ADCY8: variants seen among roughly 807,000 people sequenced by gnomAD.
ADCY8 encodes adenylate cyclase type 8.
Under a neutral mutation model 119.7 loss-of-function variants are expected in ADCY8, and 51 were observed. The observed-to-expected ratio is 0.43, with a 90% CI of 0.34 to 0.54. The LOEUF (loss-of-function observed/expected upper bound fraction) is 0.54. Among genes scored for constraint, ADCY8 ranks in the 20% least tolerant of loss-of-function variants. The pLI is 0.03. For missense variants in ADCY8, 1,383 were observed against 1,598.8 expected, an observed-to-expected ratio of 0.87 and a Z score of 2.30; for synonymous variants, 665 against 651.0, an observed-to-expected ratio of 1.02 and a Z score of -0.33.
chr8:130,795,103 C>A (rs2130088829), intron 15 of ADCY8, among the ~76,000 whole-genome samples: 1 of 152,260 alleles, frequency 6.6e-6, no homozygotes, highest in East Asian at 1.9e-4. Context: ...ATAAATTAAA[C>A]ATTTTAAAGA....
At chr8:130,850,570 T>C (rs1386190494) in intron 9 of ADCY8, among the ~76,000 whole-genome samples, 1 of 152,170 alleles carries the variant, frequency 6.6e-6, no homozygotes, top group Non-Finnish European at 1.5e-5. Flanking sequence ...TAGCCATTCA[T>C]GTTCTACACT....
intron 15 of ADCY8, among the ~76,000 whole-genome samples, chr8:130,795,076 C>T (rs1815537733): frequency 6.6e-6 from 1 of 152,066 alleles, no homozygotes; most frequent in Non-Finnish European, 1.5e-5. Context: ...AAATAAAAAC[C>T]CCACAGTATA....
At chr8:130,982,309 T>G (rs1276042280) in intron 2 of ADCY8, among the ~76,000 whole-genome samples, 1 of 152,184 alleles carries the variant, frequency 6.6e-6, no homozygotes, top group Non-Finnish European at 1.5e-5. Flanking sequence ...TAAACTCATG[T>G]TAACAAAAAT....
chr8:130,846,923 C>CCTTCCTTCCTTCCTTG (rs1563689915), intron 11 of ADCY8, among the ~76,000 whole-genome samples: 1 of 128,038 alleles, frequency 7.8e-6, no homozygotes, highest in African/African-American at 2.9e-5. Context: ...TTCCTTCCTT[C>CCTTCCTTCCTTCCTTG]CTTCCTTCCT....
intron 2 of ADCY8, 127 bp from the exon 3 acceptor site, chr8:130,952,125 C>G: frequency 9.6e-7 from 1 of 1,037,898 alleles, no homozygotes; most frequent in Non-Finnish European, 1.4e-6. Context: ...TCATACCATT[C>G]TATGAATACA....
At chr8:130,801,480 C>A (rs924401871) in intron 14 of ADCY8, among the ~76,000 whole-genome samples, 2 of 152,194 alleles carry the variant, frequency 1.3e-5, no homozygotes, top group African/African-American at 4.8e-5. Context: ...CAGCAATTTA[C>A]TTTTTCAGTG....
chr8:130,864,916 A>G (rs1399763882), intron 9 of ADCY8, among the ~76,000 whole-genome samples: 1 of 152,014 alleles, frequency 6.6e-6, no homozygotes, highest in Non-Finnish European at 1.5e-5. Context: ...TTTTCTGTTG[A>G]AAACTGTTCA....
chr8:131,017,226 C>T (rs1414008030), intron 1 of ADCY8, among the ~76,000 whole-genome samples: 2 of 152,094 alleles, frequency 1.3e-5, no homozygotes, highest in Non-Finnish European at 1.5e-5. Flanking sequence ...TGTGCCACCA[C>T]GCCCGGCTAA....
Position 131,040,688 on chromosome 8 carries a change from C to A in ADCY8, c.-355G>T. 1 of 192,112 alleles carries A rather than the reference C, an allele frequency of 5.2e-6. No individual in the cohort carries two copies. The highest frequency in any genetic ancestry group is 1.9e-4 in the South Asian group (1 of 5,236). The allele number at this position is 192,112 out of a possible 1,614,324, so 11.9% of individuals were successfully genotyped here. ...GCTCCTTGGTTGATTCTAGGCTCAG[C>A]GTTTTGGCGCAGCCTTTGCTCTCCA... is the stretch of plus-strand genomic sequence containing the variant. On this transcript the variant is annotated 5_prime_UTR_variant, in exon 1 of 18. Transcript: ENST00000286355.
chr8:130,999,091 C>T (rs1563761876), intron 1 of ADCY8, among the ~76,000 whole-genome samples: 3 of 152,150 alleles, frequency 2.0e-5, no homozygotes. Context: ...TCAATCTGAA[C>T]TCCCCCAGGG....
chr8:130,849,103 TA>T (rs1248746388), intron 10 of ADCY8, among the ~76,000 whole-genome samples: 1 of 152,088 alleles, frequency 6.6e-6, no homozygotes, highest in African/African-American at 2.4e-5. Context: ...CAATTTAGCA[TA>T]TTAGAGGGGC....
chr8:130,936,263 C>T lies in ADCY8; in HGVS notation c.1481+810G>A, dbSNP rs546316317. On this transcript the variant is annotated intron_variant, in intron 5 of 17. Coordinates refer to ENST00000286355, the MANE Select transcript of ADCY8 (RefSeq NM_001115.3). ...CCACACACAGCCTAGTTCCAGAGTC[C>T]TCAACCCCAATAATTCCTTCCCCCT... 7.2e-5 allele frequency among the ~76,000 whole-genome samples: 11 copies of T among 152,220 alleles called. No individual in the cohort carries two copies. In the South Asian group the frequency reaches 2.3e-3, roughly 32 times the overall value.
intron 12 of ADCY8, among the ~76,000 whole-genome samples, chr8:130,826,451 C>T (rs1319531519): frequency 6.6e-6 from 1 of 152,094 alleles, no homozygotes; most frequent in Non-Finnish European, 1.5e-5. Flanking sequence ...CACCACATGG[C>T]TTCTAGATTC....
chr8:130,860,662 T>C (rs1042292264), intron 9 of ADCY8, among the ~76,000 whole-genome samples: 7 of 152,220 alleles, frequency 4.6e-5, no homozygotes, highest in Non-Finnish European at 8.8e-5. Flanking sequence ...CTGGGACACA[T>C]TTGCAGAACG....
At chr8:130,848,842 C>A (rs529498971) in intron 10 of ADCY8, among the ~76,000 whole-genome samples, 1 of 152,146 alleles carries the variant, frequency 6.6e-6, no homozygotes, top group Non-Finnish European at 1.5e-5. Context: ...AAAATGAAAC[C>A]ATGACAATGT....
Position 130,893,692 on chromosome 8 carries a change from A to C in ADCY8, c.1912-8931T>G, listed in dbSNP as rs544712306. Among the ~76,000 whole-genome samples, 10 of 133,398 alleles carry C rather than the reference A, an allele frequency of 7.5e-5. No homozygotes were observed. In the South Asian group the frequency reaches 2.2e-3, roughly 29 times the overall value. 87.5% of individuals were successfully genotyped at this position (133,398 alleles called of 152,430 possible). A position where few individuals can be genotyped will look rare whatever the true frequency, so the allele number is the denominator to read the frequency against. On this transcript the variant is annotated intron_variant, in intron 7 of 17. Transcript: ENST00000286355. Reference sequence around the variant, plus strand: ...TGTGTGTGTGTGTGTGTGTGTGTGCATGTTTATATGTGTGTGTGTGCATGT... The same window carrying C: ...TGTGTGTGTGTGTGTGTGTGTGTGCCTGTTTATATGTGTGTGTGTGCATGT...
intron 5 of ADCY8, among the ~76,000 whole-genome samples, chr8:130,925,206 AAAAACAAAACAAAAAAC>A (rs1206906948): frequency 1.3e-5 from 2 of 152,134 alleles, no homozygotes; most frequent in Admixed American, 1.3e-4. Context: ...ACTCTGTCTC[AAAAACAAAACAAAAAAC>A]AAAACAAAAC....
intron 1 of ADCY8, among the ~76,000 whole-genome samples, chr8:131,009,987 T>C (rs1371397663): frequency 3.9e-5 from 6 of 152,218 alleles, no homozygotes; most frequent in Non-Finnish European, 8.8e-5. Flanking sequence ...CCTCACATTA[T>C]AGTGCCATTA....
intron 2 of ADCY8, among the ~76,000 whole-genome samples, chr8:130,953,958 A>G (rs1821349956): frequency 6.6e-6 from 1 of 152,270 alleles, no homozygotes; most frequent in South Asian, 2.1e-4. Flanking sequence ...TCAACTTCCC[A>G]GGTACTTGTG....
Sources: allele counts gnomAD v4.1 joint callset (sites outside exome capture counted in the v4.1 genomes callset), GRCh38; gene constraint gnomAD v4.1.1; transcripts MANE v1.5; gene names NCBI Gene and HGNC (gene_info 2026-07-23, HGNC 2026-07-21).